Variants in PCDH15 observed in about 807,000 individuals in gnomAD.
The protein encoded by PCDH15 is protocadherin related 15, also known as protocadherin-15.
A neutral mutation model predicts 178.5 loss-of-function variants in PCDH15; 129 were observed. The observed-to-expected ratio is 0.72, with a 90% CI of 0.63 to 0.84. PCDH15 has a LOEUF of 0.84. Ranked by LOEUF, PCDH15 falls within the 40% of genes least tolerant of loss-of-function variation. The probability of loss-of-function intolerance (pLI) is 0.00; values close to 1 mark genes in which losing one functional copy is unlikely to be tolerated. For missense variants in PCDH15, 2,230 were observed against 2,099.9 expected (o/e 1.06, Z -1.21); for synonymous variants, 800 against 732.0 (o/e 1.09, Z -1.50).
intron 1 of PCDH15, among the ~76,000 whole-genome samples, chr10:54,707,216 A>T (rs1228250457): frequency 2.6e-5 from 4 of 152,172 alleles, no homozygotes; most frequent in Non-Finnish European, 5.9e-5. Context: ...GGTCAGAGAA[A>T]TTAAGTAAGA....
At position 54,478,098 on chromosome 10, in the gene PCDH15, T is replaced by C. The variant is rs557277625; in HGVS notation, c.157+49714A>G. Among the ~76,000 whole-genome samples, 301 of 152,186 alleles carry C rather than the reference T, an allele frequency of 2.0e-3. 1 individual carries two copies. The highest frequency in any genetic ancestry group is 6.9e-3 in the African/African-American group (286 of 41,544). On this transcript the variant is annotated intron_variant, in intron 3 of 37. Coordinates refer to ENST00000644397, the MANE Select transcript of PCDH15 (RefSeq NM_001384140.1). The stretch of plus-strand genomic sequence containing the variant: ...CTAGTCGCCCTAATAATATTTTCAG[T>C]GTTTTTCAAAAGCTTACAGATTTTG...
chr10:54,071,714 T>C (rs1200450689), intron 17 of PCDH15, among the ~76,000 whole-genome samples: 3 of 152,090 alleles, frequency 2.0e-5, no homozygotes, highest in Non-Finnish European at 2.9e-5. Flanking sequence ...CAGTCAGGAA[T>C]ATTTCAATTT....
rs1016955321 is a variant in PCDH15, at chr10:54,877,522, T to C, written c.-29+19928A>G. On this transcript the variant is annotated intron_variant, in intron 3 of 5. Transcript: ENST00000458638. ...TGATGAATTATTTCCCTGAGGTAAA[T>C]GTATCATTGAAATTTTCAATAATAC... Among the ~76,000 whole-genome samples, 7 of 152,208 alleles carry C rather than the reference T, an allele frequency of 4.6e-5. No homozygotes were observed. In the South Asian group the frequency reaches 6.2e-4, roughly 13 times the overall value.
chr10:53,841,419 T>C (rs543221640), intron 28 of PCDH15, among the ~76,000 whole-genome samples: 1 of 152,292 alleles, frequency 6.6e-6, no homozygotes, highest in Non-Finnish European at 1.5e-5. Context: ...CTAAAGTCCT[T>C]TGATACATCA....
At chr10:55,378,908 T>TCTCTCTCTCTCTCTCACACACA (rs61280428) in intron 2 of PCDH15, among the ~76,000 whole-genome samples, 3 of 148,792 alleles carry the variant, frequency 2.0e-5, no homozygotes, top group Admixed American at 6.8e-5. Context: ...TCTCTCTCTC[T>TCTCTCTCTCTCTCTCACACACA]CACATATGCC....
intron 2 of PCDH15, among the ~76,000 whole-genome samples, chr10:55,070,614 C>T (rs1489023191): frequency 6.6e-6 from 1 of 152,082 alleles, no homozygotes; most frequent in Non-Finnish European, 1.5e-5. Context: ...TTTCTGAGGG[C>T]TCTGTTCTGT....
At chr10:55,225,671 G>GAA (rs1554842715) in intron 1 of PCDH15, among the ~76,000 whole-genome samples, 9 of 151,034 alleles carry the variant, frequency 6.0e-5, no homozygotes, top group Admixed American at 4.6e-4. Flanking sequence ...GAGAGAGAGA[G>GAA]AAACGGAGAG....
chr10:54,955,572 A>G (rs893190746), intron 2 of PCDH15, among the ~76,000 whole-genome samples: 2 of 151,442 alleles, frequency 1.3e-5, no homozygotes, highest in African/African-American at 4.8e-5. Context: ...TTCAGAGAAA[A>G]GAGATAATTC....
At chr10:53,965,549 T>C (rs1372966028) in intron 21 of PCDH15, among the ~76,000 whole-genome samples, 2 of 152,080 alleles carry the variant, frequency 1.3e-5, no homozygotes, top group African/African-American at 4.8e-5. Flanking sequence ...ACCAGGAAAA[T>C]AAGGTGGCAA....
At chr10:54,322,141 G>A (rs1425689955) in intron 7 of PCDH15, among the ~76,000 whole-genome samples, 1 of 152,000 alleles carries the variant, frequency 6.6e-6, no homozygotes, top group South Asian at 2.1e-4. Context: ...GATCTTTATA[G>A]TAATATACTA....
intron 2 of PCDH15, among the ~76,000 whole-genome samples, chr10:55,538,292 AT>A (rs754348920): frequency 1.3e-5 from 2 of 152,324 alleles, no homozygotes; most frequent in Non-Finnish European, 2.9e-5. Context: ...ACATTTACAG[AT>A]TTATTGGAAT....
At chr10:54,317,525 AG>A in intron 7 of PCDH15, 84 bp from the exon 8 acceptor site, 1 of 1,531,590 alleles carries the variant, frequency 6.5e-7, no homozygotes, top group Non-Finnish European at 9.0e-7. Context: ...CTGTAATCCC[AG>A]AACTTTGGGA....
intron 3 of PCDH15, among the ~76,000 whole-genome samples, chr10:54,811,529 G>A (rs1450904802): frequency 2.6e-5 from 4 of 152,062 alleles, no homozygotes; most frequent in Non-Finnish European, 4.4e-5. Flanking sequence ...GGAGTACAGT[G>A]GCAAGGTCTT....
At chr10:54,137,157 T>C (rs1237279968) in intron 14 of PCDH15, among the ~76,000 whole-genome samples, 1 of 152,172 alleles carries the variant, frequency 6.6e-6, no homozygotes, top group African/African-American at 2.4e-5. Context: ...AAGCACTTAA[T>C]AAAATAGGGC....
At chr10:54,101,533 T>C (rs953244022) in intron 15 of PCDH15, among the ~76,000 whole-genome samples, 16 of 152,294 alleles carry the variant, frequency 1.1e-4, no homozygotes, top group Middle Eastern at 3.4e-3. Flanking sequence ...TAGTATATTT[T>C]CAGTTGATAC....
At chr10:54,910,374 T>A (rs1376000520) in intron 2 of PCDH15, among the ~76,000 whole-genome samples, 2 of 152,228 alleles carry the variant, frequency 1.3e-5, no homozygotes, top group East Asian at 3.9e-4. Context: ...TAAACCGGAA[T>A]TACAAGCATA....
At chr10:55,280,541 G>A (rs778132571) in intron 1 of PCDH15, among the ~76,000 whole-genome samples, 4 of 148,290 alleles carry the variant, frequency 2.7e-5, no homozygotes, top group South Asian at 2.1e-4. Flanking sequence ...CACCCCCCTC[G>A]GCCTCCCAAA....
chr10:55,201,286 T>A (rs377511382), intron 1 of PCDH15, among the ~76,000 whole-genome samples: 3 of 152,066 alleles, frequency 2.0e-5, no homozygotes, highest in African/African-American at 7.3e-5. Flanking sequence ...TGAAGATGAA[T>A]AAATCACATA....
chr10:54,729,526 T>C (rs1320755289), intron 1 of PCDH15, among the ~76,000 whole-genome samples: 1 of 151,636 alleles, frequency 6.6e-6, no homozygotes, highest in East Asian at 1.9e-4. Flanking sequence ...ACAAAAGCAA[T>C]TGCAATAAAA....
Sources: gnomAD v4.1 joint callset for allele counts (sites outside exome capture counted in the v4.1 genomes callset) on GRCh38, gnomAD v4.1.1 for gene constraint, MANE v1.5 for transcripts, NCBI Gene and HGNC (gene_info 2026-07-23, HGNC 2026-07-21) for gene names.